TAF4B: variants seen among roughly 807,000 people sequenced by gnomAD.
TAF4B encodes TATA-box binding protein associated factor 4b, also known as transcription initiation factor TFIID subunit 4B.
Under a neutral mutation model 86.4 loss-of-function variants are expected in TAF4B, and 38 were observed. That is an observed-to-expected ratio of 0.44 (90% confidence interval 0.34 to 0.58). The LOEUF (loss-of-function observed/expected upper bound fraction) is 0.58. Among genes scored for constraint, TAF4B ranks in the 20% least tolerant of loss-of-function variants. The probability of loss-of-function intolerance (pLI) is 0.02; values close to 1 mark genes in which losing one functional copy is unlikely to be tolerated. For synonymous variants in TAF4B, 388 were observed against 391.2 expected, an observed-to-expected ratio of 0.99 and a Z score of 0.10; for missense variants, 988 against 1,027.6, an observed-to-expected ratio of 0.96 and a Z score of 0.53.
intron 5 of TAF4B, among the ~76,000 whole-genome samples, chr18:26,275,379 C>T (rs574285027): frequency 1.3e-5 from 2 of 152,266 alleles, no homozygotes; most frequent in African/African-American, 4.8e-5. Context: ...TGGTCTCAAA[C>T]TCCTGGCCTC....
At chr18:26,386,755 A>G (rs1362852349) in intron 14 of TAF4B, among the ~76,000 whole-genome samples, 1 of 152,146 alleles carries the variant, frequency 6.6e-6, no homozygotes, top group Non-Finnish European at 1.5e-5. Context: ...ATTCCATGGT[A>G]TGACTATTCC....
chr18:26,293,856 A>G (rs1322341696), intron 9 of TAF4B, among the ~76,000 whole-genome samples: 1 of 152,086 alleles, frequency 6.6e-6, no homozygotes, highest in African/African-American at 2.4e-5. Context: ...ACGATAGATC[A>G]TTTTTGTCTA....
intron 10 of TAF4B, among the ~76,000 whole-genome samples, chr18:26,318,598 A>AT (rs1479151370): frequency 6.6e-6 from 1 of 152,216 alleles, no homozygotes; most frequent in Non-Finnish European, 1.5e-5. Flanking sequence ...CCTAAATTAA[A>AT]TTGCACGTTC....
intron 11 of TAF4B, among the ~76,000 whole-genome samples, chr18:26,323,699 T>C (rs1249156341): frequency 6.6e-6 from 1 of 152,174 alleles, no homozygotes; most frequent in East Asian, 1.9e-4. Flanking sequence ...ATAATGTCCT[T>C]GTTTGTCTCT....
chr18:26,267,749 T>C, intron 3 of TAF4B, 126 bp downstream of exon 3: 2 of 645,826 alleles, frequency 3.1e-6, no homozygotes, highest in South Asian at 2.0e-5. Context: ...TAATATATGA[T>C]GGCACTTATC....
intron 9 of TAF4B, among the ~76,000 whole-genome samples, chr18:26,295,769 GT>G (rs932731829): frequency 1.3e-5 from 2 of 151,978 alleles, no homozygotes; most frequent in African/African-American, 4.8e-5. Context: ...TTTTTTAAAT[GT>G]TGCCCCATTG....
chr18:26,277,078 T>C (rs2056392645), intron 5 of TAF4B, among the ~76,000 whole-genome samples: 2 of 152,062 alleles, frequency 1.3e-5, no homozygotes, highest in Admixed American at 1.3e-4. Flanking sequence ...CTTAACTTTT[T>C]TTATTGAAAA....
At chr18:26,246,769 G>A (rs1209380438) in intron 1 of TAF4B, among the ~76,000 whole-genome samples, 3 of 152,100 alleles carry the variant, frequency 2.0e-5, no homozygotes, top group Non-Finnish European at 2.9e-5. Flanking sequence ...CTGACCTCAG[G>A]TGATCTGCTG....
intron 14 of TAF4B, 97 bp from the exon 15 acceptor site, chr18:26,389,748 G>A: frequency 2.3e-6 from 3 of 1,295,118 alleles, no homozygotes; most frequent in Non-Finnish European, 3.2e-6. Context: ...CTAACCCAGT[G>A]ACCAGAGGGT....
intron 13 of TAF4B, among the ~76,000 whole-genome samples, chr18:26,346,513 C>T (rs2057180450): frequency 6.6e-6 from 1 of 151,390 alleles, no homozygotes; most frequent in Non-Finnish European, 1.5e-5. Flanking sequence ...GGAAGAACCC[C>T]AAGTAGATTC....
intron 9 of TAF4B, among the ~76,000 whole-genome samples, chr18:26,309,892 G>A (rs1410226612): frequency 1.3e-5 from 2 of 152,020 alleles, no homozygotes; most frequent in African/African-American, 2.4e-5. Flanking sequence ...GCAGTGGCGC[G>A]ATCTCAGTTG....
At chr18:26,387,198 T>G (rs1978423139) in intron 14 of TAF4B, among the ~76,000 whole-genome samples, 1 of 152,186 alleles carries the variant, frequency 6.6e-6, no homozygotes, top group South Asian at 2.1e-4. Context: ...CCCGAGTAAG[T>G]GAGCTTACAG....
intron 9 of TAF4B, among the ~76,000 whole-genome samples, chr18:26,313,645 G>A (rs1481847118): frequency 6.6e-6 from 1 of 151,086 alleles, no homozygotes; most frequent in African/African-American, 2.4e-5. Flanking sequence ...TTCAATTGCT[G>A]TGTTTAGCAG....
intron 3 of TAF4B, among the ~76,000 whole-genome samples, chr18:26,272,756 T>C (rs1320670897): frequency 6.6e-6 from 1 of 152,144 alleles, no homozygotes; most frequent in Non-Finnish European, 1.5e-5. Context: ...GAAAGAGGCT[T>C]ATTTACTGTA....
At chr18:26,265,060 TATTG>T in intron 1 of TAF4B, 106 bp from the exon 2 acceptor site, 1 of 1,080,118 alleles carries the variant, frequency 9.3e-7, no homozygotes. Flanking sequence ...ATTCAGTATG[TATTG>T]AAGACATCTT....
chr18:26,365,965 AT>A (rs747620415), intron 14 of TAF4B, among the ~76,000 whole-genome samples: 8 of 151,956 alleles, frequency 5.3e-5, no homozygotes, highest in Admixed American at 2.0e-4. Context: ...AATTTTTTGT[AT>A]TTTTAGTTGT....
chr18:26,244,295 C>A (rs2055888162), intron 1 of TAF4B, among the ~76,000 whole-genome samples: 1 of 152,264 alleles, frequency 6.6e-6, no homozygotes, highest in Non-Finnish European at 1.5e-5. Context: ...CTCCCCCAGC[C>A]TCACTGCCGC....
At chr18:26,379,775 C>A (rs1354230654) in intron 14 of TAF4B, among the ~76,000 whole-genome samples, 1 of 152,060 alleles carries the variant, frequency 6.6e-6, no homozygotes, top group Non-Finnish European at 1.5e-5. Flanking sequence ...GATCAATTTG[C>A]AGAGAATTTA....
intron 1 of TAF4B, among the ~76,000 whole-genome samples, chr18:26,263,294 G>A (rs2056195347): frequency 6.6e-6 from 1 of 151,994 alleles, no homozygotes; most frequent in Admixed American, 6.6e-5. Context: ...TACAGGATAT[G>A]CAAATGGAAA....
Sources: gnomAD v4.1 joint callset for allele counts (sites outside exome capture counted in the v4.1 genomes callset) on GRCh38, gnomAD v4.1.1 for gene constraint, MANE v1.5 for transcripts, NCBI Gene and HGNC (gene_info 2026-07-23, HGNC 2026-07-21) for gene names.